The following ADK variants were observed in gnomAD, a reference collection of about 807,000 sequenced individuals.
The protein encoded by ADK is N6,N6-dimethyladenosine kinase.
In ADK, 24 loss-of-function variants were observed where a neutral mutation model predicts 44.7. That is an observed-to-expected ratio of 0.54 (90% CI 0.39 to 0.76). The LOEUF (loss-of-function observed/expected upper bound fraction) is 0.76. Ranked by LOEUF, ADK falls within the 30% of genes least tolerant of loss-of-function variation. The pLI, the probability that ADK is intolerant of heterozygous loss-of-function variation, is 0.00. For synonymous variants in ADK, 128 were observed against 142.6 expected, an observed-to-expected ratio of 0.90 and a Z score of 0.73; for missense variants, 321 against 425.1, an observed-to-expected ratio of 0.76 and a Z score of 2.15.
chr10:74,506,088 A>C (rs902973972), intron 6 of ADK: 9 of 152,240 alleles, frequency 5.9e-5, no homozygotes, highest in Non-Finnish European at 8.8e-5. Flanking sequence ...CTTTTGCTTT[A>C]AGTTGTCATA....
chr10:74,692,699 C>G (rs1351996867), intron 10 of ADK, among the ~76,000 whole-genome samples: 1 of 152,104 alleles, frequency 6.6e-6, no homozygotes, highest in Non-Finnish European at 1.5e-5. Context: ...TTTTACTGTA[C>G]CTTTTCTATG....
At chr10:74,489,684 T>C (rs1172761299) in intron 6 of ADK, among the ~76,000 whole-genome samples, 1 of 151,932 alleles carries the variant, frequency 6.6e-6, no homozygotes, top group Non-Finnish European at 1.5e-5. Context: ...CATAATTTTT[T>C]TTTTTTACTA....
rs1324234795 is a variant in ADK at position 74,527,615 on chromosome 10, G to A, written c.726+2189G>A. ...GCCTCTGCCTTTGCCGGTGCAGTGA[G>A]AGCAGCTTCAGGAATCTTATGGCCT... On this transcript the variant is annotated intron_variant, in intron 7 of 10. Coordinates refer to ENST00000539909, the MANE Select transcript of ADK (RefSeq NM_006721.4). The A allele has an allele frequency of 5.1e-6, 4 of 784,226 alleles. No homozygotes were observed. In the Admixed American group the frequency reaches 6.8e-5, roughly 13 times the overall value. The allele number at this position is 784,226 out of a possible 1,614,324, so 48.6% of individuals were successfully genotyped here.
chr10:74,456,895 A>G (rs1285410941), intron 6 of ADK, among the ~76,000 whole-genome samples: 1 of 152,120 alleles, frequency 6.6e-6, no homozygotes, highest in African/African-American at 2.4e-5. Context: ...TCTAAAATGG[A>G]CACACTAACA....
intron 9 of ADK, among the ~76,000 whole-genome samples, chr10:74,636,629 T>G (rs537366143): frequency 6.6e-6 from 1 of 152,196 alleles, no homozygotes; most frequent in South Asian, 2.1e-4. Context: ...GTCTTTATAG[T>G]CAAGGAATTC....
chr10:74,470,550 A>G (rs984756606), intron 6 of ADK, among the ~76,000 whole-genome samples: 3 of 24,796 alleles, frequency 1.2e-4, no homozygotes, highest in Non-Finnish European at 4.2e-4. Flanking sequence ...ATTGTCAGCA[A>G]TAGTGCACAA....
At chr10:74,220,203 A>G (rs1844245936) in intron 2 of ADK, among the ~76,000 whole-genome samples, 3 of 151,920 alleles carry the variant, frequency 2.0e-5, no homozygotes, top group Admixed American at 2.0e-4. Context: ...CACTGATCCC[A>G]CAGAAATACA....
chr10:74,602,035 T>C (rs1338228803), intron 9 of ADK, among the ~76,000 whole-genome samples: 1 of 147,120 alleles, frequency 6.8e-6, no homozygotes, highest in African/African-American at 2.5e-5. Flanking sequence ...AGCCCAGAAG[T>C]TCGAGGCTGT....
Position 74,180,677 on chromosome 10 carries a change from C to T in ADK, c.66-20087C>T, listed in dbSNP as rs373560696. The stretch of plus-strand genomic sequence containing the variant: ...GTTTCACCGTGTTAGCCAGGATGGT[C>T]TCGATCTCCTGACCTCATGATCTGC... On this transcript the variant is annotated intron_variant, in intron 1 of 10. Transcript: ENST00000539909. Among the ~76,000 whole-genome samples, 35 of 152,246 alleles carry T rather than the reference C, an allele frequency of 2.3e-4. 1 individual carries two copies. Among genetic ancestry groups the T allele is most frequent in the Middle Eastern group, 6.8e-3 (2 of 294 alleles).
intron 3 of ADK, among the ~76,000 whole-genome samples, chr10:74,266,904 G>T (rs112337065): frequency 6.6e-6 from 1 of 152,088 alleles, no homozygotes; most frequent in East Asian, 1.9e-4. Flanking sequence ...CTAGGTCAAT[G>T]TACAATTCCA....
In ADK at chr10:74,151,228, A is replaced by G; in HGVS notation, c.-51A>G. On this transcript the variant is annotated 5_prime_UTR_variant, in exon 1 of 11. Coordinates refer to ENST00000539909, the MANE Select transcript of ADK (RefSeq NM_006721.4). Reference sequence around the variant, plus strand: ...ATGCGAAGAGGGGGCGGGACCAGAGAGTGGATGGCAGAGGTGGGCTGTAGA... The same window carrying G: ...ATGCGAAGAGGGGGCGGGACCAGAGGGTGGATGGCAGAGGTGGGCTGTAGA... The G allele has an allele frequency of 6.5e-7, 1 of 1,541,382 alleles. No homozygotes were observed. The highest frequency in any genetic ancestry group is 8.8e-7 in the Non-Finnish European group (1 of 1,139,424).
At chr10:74,464,984 C>T (rs887568689) in intron 6 of ADK, among the ~76,000 whole-genome samples, 1 of 151,890 alleles carries the variant, frequency 6.6e-6, no homozygotes, top group Non-Finnish European at 1.5e-5. Flanking sequence ...TTTATAGCAG[C>T]GACCAGGTAA....
At chr10:74,368,164 T>C (rs1842551111) in intron 4 of ADK, among the ~76,000 whole-genome samples, 1 of 152,202 alleles carries the variant, frequency 6.6e-6, no homozygotes, top group Non-Finnish European at 1.5e-5. Flanking sequence ...ACCTGTTGTC[T>C]AGGTTGGAGT....
At position 74,664,699 on chromosome 10, in the gene ADK, C is replaced by T. The variant is rs570070722; in HGVS notation, c.878-5484C>T. Among the ~76,000 whole-genome samples the T allele has an allele frequency of 6.6e-5, 10 of 152,078 alleles. No homozygotes were observed. The Middle Eastern group carries it at 0.01, about 155-fold the overall frequency. On this transcript the variant is annotated intron_variant, in intron 9 of 10. Transcript: ENST00000539909. ...CTCTACTAAAAATACAAAAATTAGC[C>T]GGGCATGGTGGTACACACCTGTAGT...
intron 4 of ADK, among the ~76,000 whole-genome samples, chr10:74,384,618 T>C (rs968788944): frequency 1.3e-5 from 2 of 151,778 alleles, no homozygotes; most frequent in Admixed American, 1.3e-4. Context: ...TTGCGGTGAG[T>C]CAAGATCGCA....
At chr10:74,473,788 A>G (rs1846702417) in intron 6 of ADK, among the ~76,000 whole-genome samples, 1 of 152,162 alleles carries the variant, frequency 6.6e-6, no homozygotes, top group South Asian at 2.1e-4. Flanking sequence ...TTCCATATAC[A>G]GTTCATTAGA....
At chr10:74,446,469 G>A (rs1054231836) in intron 6 of ADK, among the ~76,000 whole-genome samples, 1 of 152,108 alleles carries the variant, frequency 6.6e-6, no homozygotes, top group Admixed American at 6.5e-5. Flanking sequence ...ACGACGATAG[G>A]AAAGAAGATA....
At chr10:74,181,682 GTAGAGCC>G (rs1483530089) in intron 1 of ADK, among the ~76,000 whole-genome samples, 1 of 152,124 alleles carries the variant, frequency 6.6e-6, no homozygotes, top group Non-Finnish European at 1.5e-5. Flanking sequence ...AGACCTAGTG[GTAGAGCC>G]TAAGATAGAA....
At chr10:74,338,683 A>G (rs1298013639) in intron 4 of ADK, among the ~76,000 whole-genome samples, 1 of 152,230 alleles carries the variant, frequency 6.6e-6, no homozygotes, top group Non-Finnish European at 1.5e-5. Flanking sequence ...TACATACTGT[A>G]TGATTCCAAT....
Sources: gnomAD v4.1 joint callset for allele counts (sites outside exome capture counted in the v4.1 genomes callset) on GRCh38, gnomAD v4.1.1 for gene constraint, MANE v1.5 for transcripts, NCBI Gene and HGNC (gene_info 2026-07-23, HGNC 2026-07-21) for gene names.